Variants in HBP1 observed in about 807,000 individuals in gnomAD.
HBP1 encodes HMG box-containing protein 1.
Under a neutral mutation model 62.6 loss-of-function variants are expected in HBP1, and 20 were observed. The observed-to-expected ratio is 0.32, with a 90% CI of 0.22 to 0.46. HBP1 has a LOEUF of 0.46. HBP1 is among the 20% of genes least tolerant of loss of function. The pLI, the probability that HBP1 is intolerant of heterozygous loss-of-function variation, is 1.00. For missense variants in HBP1, 480 were observed against 611.8 expected, an observed-to-expected ratio of 0.78 and a Z score of 2.27; for synonymous variants, 232 against 206.2, an observed-to-expected ratio of 1.12 and a Z score of -1.07.
chr7:107,198,038 C>T (rs1200828488), intron 9 of HBP1, among the ~76,000 whole-genome samples: 1 of 152,084 alleles, frequency 6.6e-6, no homozygotes, highest in Non-Finnish European at 1.5e-5. Context: ...AGTCTCTTCC[C>T]CGCCAGTAGT....
At chr7:107,199,237 C>A (rs913801824) in intron 9 of HBP1, among the ~76,000 whole-genome samples, 1 of 152,106 alleles carries the variant, frequency 6.6e-6, no homozygotes, top group Non-Finnish European at 1.5e-5. Context: ...AGGCGTGTGC[C>A]ATCACACCTG....
In HBP1 at chr7:107,201,806, G is replaced by C. The variant is rs1798333915; in HGVS notation, c.*375G>C. 5.6e-6 allele frequency: 1 copy of C among 177,800 alleles called. No individual in the cohort carries two copies. Among genetic ancestry groups the C allele is most frequent in the Non-Finnish European group, 1.2e-5 (1 of 84,448 alleles). The allele number at this position is 177,800 out of a possible 1,614,324, so 11.0% of individuals were successfully genotyped here. A position where few individuals can be genotyped will look rare whatever the true frequency, so the allele number is the denominator to read the frequency against. On this transcript the variant is annotated 3_prime_UTR_variant, in exon 11 of 11. Coordinates refer to ENST00000222574, the MANE Select transcript of HBP1 (RefSeq NM_012257.4). ...GGAATTTAAAAAATATGTAACTGCT[G>C]TTTATACATTGGCTCCTTACTGCTT...
At position 107,182,516 on chromosome 7, in the gene HBP1, G is replaced by A. The variant is rs1797158877; in HGVS notation, c.313G>A (p.Glu105Lys). The change falls in exon 3 of 11, where the codon GAA becomes AAA. Residue 105 changes from glutamate (E) to lysine (K), a missense_variant. Glu to Lys is a moderately conservative substitution (Grantham distance 56). Transcript: ENST00000222574. ...TSDIPETTYR[E>K]NEVDWLTELA... ...AGACATACCAGAAACTACTTACCGT[G>A]AAAATGAGGTGGACTGGCTAACAGA... 1 of 1,613,656 alleles carries A rather than the reference G, an allele frequency of 6.2e-7. No homozygotes were observed. Among genetic ancestry groups the A allele is most frequent in the Non-Finnish European group, 8.5e-7 (1 of 1,179,626 alleles).
At chr7:107,183,870 C>T (rs1217302224) in intron 3 of HBP1, among the ~76,000 whole-genome samples, 2 of 152,160 alleles carry the variant, frequency 1.3e-5, no homozygotes, top group African/African-American at 4.8e-5. Flanking sequence ...ACTGTCTGCT[C>T]ATGCAGCTTA....
At chr7:107,189,191 G>A (rs1024487646) in intron 6 of HBP1, 101 bp from the exon 7 acceptor site, 3 of 977,856 alleles carry the variant, frequency 3.1e-6, no homozygotes, top group Admixed American at 2.4e-5. Flanking sequence ...TCCTGTCTTG[G>A]TTATTTTTAC....
At chr7:107,170,668 A>G (rs117122017) in intron 1 of HBP1, among the ~76,000 whole-genome samples, 1,917 of 152,276 alleles carry the variant, frequency 0.013, 22 homozygotes, top group Non-Finnish European at 0.021. Flanking sequence ...CTGATAAATT[A>G]TAGAATGAAG....
chr7:107,194,529 A>G (rs1797794601), intron 8 of HBP1, among the ~76,000 whole-genome samples: 1 of 152,202 alleles, frequency 6.6e-6, no homozygotes, highest in African/African-American at 2.4e-5. Context: ...ATACTTTCAG[A>G]AAAAAGACAT....
chr7:107,170,222 C>T (rs141476498), intron 1 of HBP1: 143 of 724,612 alleles, frequency 2.0e-4, no homozygotes, highest in Middle Eastern at 6.9e-4. Flanking sequence ...GTTATACATA[C>T]TGGGAAGCGA....
At chr7:107,185,473 T>C (rs1190022968) in intron 3 of HBP1, among the ~76,000 whole-genome samples, 1 of 152,100 alleles carries the variant, frequency 6.6e-6, no homozygotes, top group African/African-American at 2.4e-5. Context: ...CGCCCTGCAT[T>C]AGAGGGGGTA....
At chr7:107,173,971 T>C (rs1428183013) in intron 1 of HBP1, among the ~76,000 whole-genome samples, 1 of 152,256 alleles carries the variant, frequency 6.6e-6, no homozygotes, top group Non-Finnish European at 1.5e-5. Context: ...GTAATTGGTA[T>C]AATATATGTA....
rs1409734356 is a variant in HBP1, at chr7:107,185,860, C to T, written c.458C>T (p.Pro153Leu). The T allele has an allele frequency of 1.9e-6, 3 of 1,612,364 alleles. No individual in the cohort carries two copies. The highest frequency in any genetic ancestry group is 4.5e-5 in the East Asian group (2 of 44,866). The part of the protein sequence containing the change: ...SKSLHSYARP[P>L]PVSSSSKSEP... ...AGTTTACATTCCTATGCACGCCCTC[C>T]ACCAGTGTCCTCTTCTTCGAAGAGT... The change falls in exon 4 of 11, where the codon CCA (proline) becomes CTA (leucine). Residue 153 changes from proline (P) to leucine (L), a missense_variant. By Grantham distance (98) the Pro-to-Leu change is moderately conservative. Transcript: ENST00000222574.
intron 1 of HBP1, among the ~76,000 whole-genome samples, chr7:107,175,941 C>CTA (rs1348451316): frequency 1.3e-5 from 2 of 151,958 alleles, no homozygotes; most frequent in Non-Finnish European, 1.5e-5. Context: ...TGGTCTCTAT[C>CTA]CCCAGACCTC....
intron 1 of HBP1, among the ~76,000 whole-genome samples, chr7:107,169,433 G>C (rs1237077157): frequency 6.7e-6 from 1 of 150,110 alleles, no homozygotes; most frequent in Non-Finnish European, 1.5e-5. Flanking sequence ...GGAGGAGGCA[G>C]GGGGAGGGCG....
chr7:107,185,450 G>T (rs999387205), intron 3 of HBP1, among the ~76,000 whole-genome samples: 1 of 152,198 alleles, frequency 6.6e-6, no homozygotes, highest in Non-Finnish European at 1.5e-5. Context: ...GTAGAAGAAA[G>T]AAATGGATAG....
chr7:107,177,417 A>G (rs570277845), intron 1 of HBP1, among the ~76,000 whole-genome samples: 105 of 152,384 alleles, frequency 6.9e-4, no homozygotes, highest in African/African-American at 2.5e-3. Context: ...ATATAGGCAG[A>G]TAGCATCCAA....
chr7:107,200,303 T>TGG lies in HBP1; in HGVS notation c.1527+2_1527+3insGG, dbSNP rs1196952761. ...TGGAAGAGGAAAAGAACCAATTCAGTATGTTTCAATAAATAGTGTTTAAAA... is the reference window on the plus strand; with the variant it reads ...TGGAAGAGGAAAAGAACCAATTCAGTGGATGTTTCAATAAATAGTGTTTAAAA... On this transcript the variant is annotated splice_region_variant and intron_variant, in intron 10 of 10. Coordinates refer to ENST00000222574, the MANE Select transcript of HBP1 (RefSeq NM_012257.4). 2 of 1,608,888 alleles carry TGG rather than the reference T, an allele frequency of 1.2e-6. No homozygotes were observed. Among genetic ancestry groups the TGG allele is most frequent in the Non-Finnish European group, 1.7e-6 (2 of 1,177,502 alleles).
intron 1 of HBP1, among the ~76,000 whole-genome samples, chr7:107,177,795 T>A (rs913469584): frequency 6.6e-6 from 1 of 152,198 alleles, no homozygotes; most frequent in Admixed American, 6.5e-5. Context: ...TACATCAAAA[T>A]GTAAAAATAT....
intron 1 of HBP1, chr7:107,169,657 G>C: frequency 1.3e-6 from 1 of 785,136 alleles, no homozygotes; most frequent in East Asian, 1.3e-4. Context: ...TCTGGACTGA[G>C]GGGGATTCTG....
intron 8 of HBP1, among the ~76,000 whole-genome samples, chr7:107,191,723 A>G (rs1033521477): frequency 2.6e-5 from 4 of 152,230 alleles, no homozygotes; most frequent in East Asian, 1.9e-4. Context: ...TTAAGTAAAA[A>G]TAAGTCTTGG....
Sources: gnomAD v4.1 joint callset for allele counts (sites outside exome capture counted in the v4.1 genomes callset) on GRCh38, gnomAD v4.1.1 for gene constraint, MANE v1.5 for transcripts, NCBI Gene and HGNC (gene_info 2026-07-23, HGNC 2026-07-21) for gene names.